PTPRT: variants seen among roughly 807,000 people sequenced by gnomAD.
The protein encoded by PTPRT is protein tyrosine phosphatase receptor type T.
Under a neutral mutation model 176.8 loss-of-function variants are expected in PTPRT, and 56 were observed. The ratio of observed to expected loss-of-function variants is 0.32; its 90% CI spans 0.26 to 0.40. PTPRT has a LOEUF of 0.40. Among genes scored for constraint, PTPRT ranks in the 10% least tolerant of loss-of-function variants. The probability of loss-of-function intolerance (pLI) is 1.00; values close to 1 mark genes in which losing one functional copy is unlikely to be tolerated. For synonymous variants in PTPRT, 783 were observed against 739.0 expected (o/e 1.06, Z -0.96); for missense variants, 1,540 against 1,908.2 (o/e 0.81, Z 3.60).
intron 1 of PTPRT, among the ~76,000 whole-genome samples, chr20:43,072,806 A>G (rs560591356): frequency 2.8e-4 from 42 of 152,322 alleles, no homozygotes; most frequent in Admixed American, 1.9e-3. Context: ...TCCTCAGTCA[A>G]TTAAACAAAT....
At chr20:42,136,779 C>CG (rs1568961543) in intron 18 of PTPRT, among the ~76,000 whole-genome samples, 1 of 152,054 alleles carries the variant, frequency 6.6e-6, no homozygotes, top group Non-Finnish European at 1.5e-5. Context: ...TAGTTGTTGT[C>CG]GGGGGGTGAT....
rs2867442 is a variant in PTPRT at position 42,458,949 on chromosome 20, C to A, written c.1451-10620G>T. Among the ~76,000 whole-genome samples the A allele has an allele frequency of 8.7e-3, 1,324 of 152,142 alleles. 11 individuals are homozygous for A. Among genetic ancestry groups the A allele is most frequent in the Middle Eastern group, 0.014 (4 of 294 alleles). On this transcript the variant is annotated intron_variant, in intron 8 of 30. Coordinates refer to ENST00000373187, the MANE Select transcript of PTPRT (RefSeq NM_007050.6). ...TGGAATGCATTCTAGTGGGAGAAGACAGATAATAAAACATATAGTGAAATA... is the reference window on the plus strand; with the variant it reads ...TGGAATGCATTCTAGTGGGAGAAGAAAGATAATAAAACATATAGTGAAATA...
chr20:42,830,232 A>G (rs2078061481), intron 2 of PTPRT, among the ~76,000 whole-genome samples: 1 of 152,204 alleles, frequency 6.6e-6, no homozygotes, highest in Admixed American at 6.5e-5. Flanking sequence ...GCAAAACATC[A>G]CAAACTAATC....
chr20:42,144,205 G>C (rs746194862), intron 17 of PTPRT, among the ~76,000 whole-genome samples: 17 of 152,318 alleles, frequency 1.1e-4, no homozygotes, highest in East Asian at 3.9e-4. Flanking sequence ...AAGAACTGAG[G>C]GGGGAGAGAT....
At chr20:42,265,527 T>C (rs2056824572) in intron 13 of PTPRT, among the ~76,000 whole-genome samples, 1 of 152,200 alleles carries the variant, frequency 6.6e-6, no homozygotes, top group Admixed American at 6.5e-5. Context: ...ACATTCCCAA[T>C]GCTTTGTCCC....
At chr20:42,721,776 A>C (rs1232634625) in intron 6 of PTPRT, among the ~76,000 whole-genome samples, 2 of 152,182 alleles carry the variant, frequency 1.3e-5, no homozygotes, top group African/African-American at 2.4e-5. Context: ...CCATGCACGC[A>C]CACACAGGTG....
At chr20:42,588,420 C>A (rs1417820372) in intron 7 of PTPRT, among the ~76,000 whole-genome samples, 1 of 151,982 alleles carries the variant, frequency 6.6e-6, no homozygotes, top group African/African-American at 2.4e-5. Context: ...CTATACCCAG[C>A]CTGGGCAACA....
At chr20:42,040,575 G>T in the PTPRT span, among the ~76,000 whole-genome samples, 1 of 152,104 alleles carries the variant, frequency 6.6e-6, no homozygotes, top group African/African-American at 2.4e-5. Flanking sequence ...ATAGCTTTGT[G>T]GTTCACCATG....
intron 13 of PTPRT, among the ~76,000 whole-genome samples, chr20:42,252,979 A>T (rs2056573194): frequency 6.6e-6 from 1 of 152,246 alleles, no homozygotes; most frequent in Non-Finnish European, 1.5e-5. Flanking sequence ...TGCCTTTGGC[A>T]CTCTTTAGGG....
At chr20:42,714,909 C>G (rs970557962) in intron 6 of PTPRT, among the ~76,000 whole-genome samples, 12 of 152,104 alleles carry the variant, frequency 7.9e-5, no homozygotes, top group African/African-American at 2.9e-4. Flanking sequence ...CAAGGTAAAA[C>G]TCTGTAAGGT....
chr20:42,554,269 T>G (rs2072821969), intron 7 of PTPRT, among the ~76,000 whole-genome samples: 1 of 152,122 alleles, frequency 6.6e-6, no homozygotes, highest in Non-Finnish European at 1.5e-5. Context: ...CAAAAAGCAC[T>G]TGTACCCCCA....
chr20:42,426,114 C>T (rs1410633517), intron 9 of PTPRT, among the ~76,000 whole-genome samples: 1 of 152,052 alleles, frequency 6.6e-6, no homozygotes, highest in African/African-American at 2.4e-5. Context: ...GAAGAGGGTT[C>T]CCTGGCAAAA....
At position 42,890,329 on chromosome 20, in the gene PTPRT, C is replaced by A. The variant is rs545258219; in HGVS notation, c.89-4397G>T. Among the ~76,000 whole-genome samples the A allele has an allele frequency of 2.0e-5, 3 of 152,254 alleles. No individual in the cohort carries two copies. In the East Asian group the frequency reaches 5.8e-4, roughly 29 times the overall value. The stretch of plus-strand genomic sequence containing the variant: ...TCTCCCACATTGAGAAACAGAGTGG[C>A]TATGAACTCAAGACTACATAACCCA... On this transcript the variant is annotated intron_variant, in intron 1 of 30. Transcript: ENST00000373187.
At chr20:42,553,352 A>C (rs2072801756) in intron 7 of PTPRT, among the ~76,000 whole-genome samples, 2 of 148,760 alleles carry the variant, frequency 1.3e-5, no homozygotes, top group Admixed American at 6.7e-5. Context: ...GCCCATTTTC[A>C]CTCTCTCTCA....
intron 7 of PTPRT, among the ~76,000 whole-genome samples, chr20:42,567,304 AGAG>A (rs1355132164): frequency 2.0e-5 from 3 of 149,720 alleles, no homozygotes; most frequent in Admixed American, 6.6e-5. Flanking sequence ...AGAGAGAGAG[AGAG>A]AGAAAAAAAA....
chr20:42,307,047 G>C (rs2057553972), intron 12 of PTPRT, among the ~76,000 whole-genome samples: 1 of 152,200 alleles, frequency 6.6e-6, no homozygotes, highest in African/African-American at 2.4e-5. Flanking sequence ...TCAGGAGCAA[G>C]TCTGGGTATT....
intron 7 of PTPRT, among the ~76,000 whole-genome samples, chr20:42,561,993 G>A (rs769471944): frequency 2.6e-5 from 4 of 152,138 alleles, no homozygotes; most frequent in Non-Finnish European, 4.4e-5. Context: ...TGGCTCCAGC[G>A]TTGAAATCAG....
rs373811176 is a variant in PTPRT, at chr20:42,910,025, G to C, written c.89-24093C>G. ...TCTTCCACGCCTCAATCACACCTTT[G>C]AATCTTTTACAGGGACACCATAAAG... On this transcript the variant is annotated intron_variant, in intron 1 of 30. Transcript: ENST00000373187. Among the ~76,000 whole-genome samples, 55 of 152,108 alleles carry C rather than the reference G, an allele frequency of 3.6e-4. 2 individuals are homozygous for C. In the South Asian group the frequency reaches 0.011, roughly 32 times the overall value.
intron 9 of PTPRT, among the ~76,000 whole-genome samples, chr20:42,445,708 G>A (rs992983020): frequency 6.6e-6 from 1 of 152,168 alleles, no homozygotes; most frequent in Non-Finnish European, 1.5e-5. Context: ...AAGTCACAGC[G>A]AAGAAGCTAC....
Sources: gnomAD v4.1 joint callset for allele counts (sites outside exome capture counted in the v4.1 genomes callset) on GRCh38, gnomAD v4.1.1 for gene constraint, MANE v1.5 for transcripts, NCBI Gene and HGNC (gene_info 2026-07-23, HGNC 2026-07-21) for gene names.